The following SCMH1 variants were observed in gnomAD, a reference collection of about 807,000 sequenced individuals.
SCMH1 encodes the protein polycomb protein SCMH1.
In SCMH1, 37 loss-of-function variants were observed where a neutral mutation model predicts 70.8. The ratio of observed to expected loss-of-function variants is 0.52; its 90% confidence interval spans 0.40 to 0.69. SCMH1 has a LOEUF of 0.69. Among genes scored for constraint, SCMH1 ranks in the 30% least tolerant of loss-of-function variants. The probability of loss-of-function intolerance (pLI) is 0.00; values close to 1 mark genes in which losing one functional copy is unlikely to be tolerated. For synonymous variants in SCMH1, 292 were observed against 307.4 expected (o/e 0.95, Z 0.52); for missense variants, 607 against 827.3 (o/e 0.73, Z 3.27).
chr1:41,200,839 C>T (rs1654182738), intron 1 of SCMH1, among the ~76,000 whole-genome samples: 1 of 152,130 alleles, frequency 6.6e-6, no homozygotes, highest in Non-Finnish European at 1.5e-5. Context: ...CAGGAGTCAC[C>T]TAATAAAAGC....
At chr1:41,035,387 A>G (rs74071126) in intron 13 of SCMH1, among the ~76,000 whole-genome samples, 2,036 of 152,328 alleles carry the variant, frequency 0.013, 44 homozygotes, top group African/African-American at 0.047. Context: ...ATCACAGAAG[A>G]AAACCATAGC....
At chr1:41,057,425 A>G (rs1304486194) in intron 10 of SCMH1, among the ~76,000 whole-genome samples, 1 of 150,832 alleles carries the variant, frequency 6.6e-6, no homozygotes. Context: ...TTTTTTTTGT[A>G]TTTTTAGTAG....
intron 10 of SCMH1, among the ~76,000 whole-genome samples, chr1:41,067,970 A>C (rs1235187933): frequency 1.3e-5 from 2 of 152,244 alleles, no homozygotes; most frequent in Non-Finnish European, 2.9e-5. Flanking sequence ...GCTCTAAAAA[A>C]TAAAAGTCTA....
At chr1:41,180,644 C>T (rs373582012) in intron 2 of SCMH1, among the ~76,000 whole-genome samples, 81 of 152,116 alleles carry the variant, frequency 5.3e-4, no homozygotes, top group African/African-American at 1.6e-3. Context: ...TTACAAGGGA[C>T]GTGAAGGAGC....
chr1:41,037,968 A>T (rs1645543332), intron 12 of SCMH1: 1 of 158,528 alleles, frequency 6.3e-6, no homozygotes, highest in African/African-American at 2.4e-5. Context: ...ATGCTTCTTG[A>T]TGCTTGGTTA....
chr1:41,135,820 T>C (rs939642856), intron 6 of SCMH1, among the ~76,000 whole-genome samples: 2 of 152,248 alleles, frequency 1.3e-5, no homozygotes, highest in East Asian at 1.9e-4. Context: ...CTGCTGGGTA[T>C]TGTTGAACTA....
At chr1:41,058,245 GAAAT>G (rs1651193920) in intron 10 of SCMH1, among the ~76,000 whole-genome samples, 3 of 151,860 alleles carry the variant, frequency 2.0e-5, no homozygotes, top group Non-Finnish European at 2.9e-5. Context: ...AGTGACTGAA[GAAAT>G]GGTCTCAATC....
chr1:41,031,837 C>T (rs1644568441), intron 13 of SCMH1, among the ~76,000 whole-genome samples: 1 of 152,190 alleles, frequency 6.6e-6, no homozygotes, highest in Non-Finnish European at 1.5e-5. Flanking sequence ...ATTATACACA[C>T]ATATATATGA....
intron 8 of SCMH1, among the ~76,000 whole-genome samples, chr1:41,107,942 A>T (rs1275925421): frequency 6.6e-6 from 1 of 152,246 alleles, no homozygotes; most frequent in Non-Finnish European, 1.5e-5. Context: ...TTCCAAATAA[A>T]AAAAGGAAAA....
chr1:41,158,991 C>A (rs1018148076), intron 4 of SCMH1, among the ~76,000 whole-genome samples: 1 of 152,006 alleles, frequency 6.6e-6, no homozygotes, highest in South Asian at 2.1e-4. Flanking sequence ...AAATGAATTA[C>A]GTGAGGAGGT....
chr1:41,103,688 G>A (rs1226497024), intron 8 of SCMH1, among the ~76,000 whole-genome samples: 1 of 152,192 alleles, frequency 6.6e-6, no homozygotes, highest in Non-Finnish European at 1.5e-5. Context: ...AACAGCTTGA[G>A]AGATGCCAAT....
intron 8 of SCMH1, among the ~76,000 whole-genome samples, chr1:41,082,101 C>T (rs1660209137): frequency 6.6e-6 from 1 of 152,098 alleles, no homozygotes. Flanking sequence ...AATGAGAATA[C>T]CTTCAAAACT....
intron 6 of SCMH1, among the ~76,000 whole-genome samples, chr1:41,129,654 G>C (rs1351239738): frequency 5.3e-5 from 8 of 152,126 alleles, no homozygotes; most frequent in Admixed American, 3.9e-4. Context: ...ACAGACACTT[G>C]AGTGGCTTCT....
At chr1:41,200,312 C>T (rs1377928807) in intron 1 of SCMH1, among the ~76,000 whole-genome samples, 1 of 151,750 alleles carries the variant, frequency 6.6e-6, no homozygotes, top group East Asian at 1.9e-4. Context: ...CCCGTCTCTA[C>T]TAAAAATACA....
chr1:41,212,551 A>G (rs2148805620), intron 1 of SCMH1, among the ~76,000 whole-genome samples: 1 of 152,304 alleles, frequency 6.6e-6, no homozygotes, highest in East Asian at 1.9e-4. Context: ...TCTGTAACAT[A>G]TAATGGAGAA....
At chr1:41,152,671 G>C in intron 4 of SCMH1, 1 of 1,614,164 alleles carries the variant, frequency 6.2e-7, no homozygotes, top group Non-Finnish European at 8.5e-7. Flanking sequence ...TAGCAAACCA[G>C]CATTTCTTGA....
chr1:41,226,290 T>C (rs1454504683), intron 1 of SCMH1, among the ~76,000 whole-genome samples: 1 of 152,144 alleles, frequency 6.6e-6, no homozygotes, highest in Non-Finnish European at 1.5e-5. Context: ...CCACATATCA[T>C]TTAAGGGATG....
At chr1:41,160,105 GA>G (rs1202492282) in intron 4 of SCMH1, among the ~76,000 whole-genome samples, 1 of 152,116 alleles carries the variant, frequency 6.6e-6, no homozygotes, top group Non-Finnish European at 1.5e-5. Context: ...CTGGGCAATG[GA>G]AAGTAATATG....
intron 1 of SCMH1, among the ~76,000 whole-genome samples, chr1:41,237,732 C>T (rs548648317): frequency 6.6e-6 from 1 of 152,256 alleles, no homozygotes; most frequent in East Asian, 1.9e-4. Flanking sequence ...TTGTTCATGG[C>T]CCAAGTAAAA....
Sources: allele counts gnomAD v4.1 joint callset (sites outside exome capture counted in the v4.1 genomes callset), GRCh38; gene constraint gnomAD v4.1.1; transcripts MANE v1.5; gene names NCBI Gene and HGNC (gene_info 2026-07-23, HGNC 2026-07-21).